SYT7: variants seen among roughly 807,000 people sequenced by gnomAD.
SYT7 encodes the protein synaptotagmin 7, also known as synaptotagmin-7.
A neutral mutation model predicts 75.1 loss-of-function variants in SYT7; 29 were observed. That is an observed-to-expected ratio of 0.39 (90% CI 0.29 to 0.53). The LOEUF (loss-of-function observed/expected upper bound fraction) is 0.53. SYT7 is among the 20% of genes least tolerant of loss of function. The pLI, the probability that SYT7 is intolerant of heterozygous loss-of-function variation, is 0.77. For synonymous variants in SYT7, 376 were observed against 401.7 expected (o/e 0.94, Z 0.76); for missense variants, 693 against 953.2 (o/e 0.73, Z 3.59).
Position 61,542,359 on chromosome 11 carries a change from G to T in SYT7, c.793C>A (p.Arg265=). The change falls in exon 6 of 13, where the codon CGG becomes AGG. Residue 265 remains arginine (R), a synonymous_variant. Coordinates refer to ENST00000539008, the MANE Select transcript of SYT7 (RefSeq NM_001365809.2). The surrounding 1 kb of genome is among the most constrained non-coding windows in gnomAD (Gnocchi z 7.8). ...CGAGCCTGGCCCCGGCCATAGGCCC[G>T]GGGGTTGGGGCCTGGTGCCGAGGCC... ...HMASAPGPNP[R]AYGRGQARQG... 6.5e-7 allele frequency: 1 copy of T among 1,530,422 alleles called. No homozygotes were observed. Among genetic ancestry groups the T allele is most frequent in the Non-Finnish European group, 8.7e-7 (1 of 1,144,312 alleles). 94.8% of individuals were successfully genotyped at this position (1,530,422 alleles called of 1,614,324 possible). A position where few individuals can be genotyped will look rare whatever the true frequency, so the allele number is the denominator to read the frequency against.
intron 1 of SYT7, among the ~76,000 whole-genome samples, chr11:61,579,951 A>C (rs908016799): frequency 6.6e-6 from 1 of 152,182 alleles, no homozygotes; most frequent in Non-Finnish European, 1.5e-5. Flanking sequence ...CTGGGTGAGG[A>C]GGCATCAGGA....
rs1436037935 is a variant in SYT7, at chr11:61,517,095, G to A, written c.*1532C>T. On this transcript the variant is annotated 3_prime_UTR_variant, in exon 13 of 13. Coordinates refer to ENST00000539008, the MANE Select transcript of SYT7 (RefSeq NM_001365809.2). ...AAGACCACGGCCACAGACTGTGGGG[G>A]CCTGGCGCCACCTGGCGGTAGTTCT... 1.5e-5 allele frequency: 6 copies of A among 395,450 alleles called. No homozygotes were observed. Among genetic ancestry groups the A allele is most frequent in the Non-Finnish European group, 2.2e-5 (5 of 224,630 alleles). 24.5% of individuals were successfully genotyped at this position (395,450 alleles called of 1,614,324 possible).
In SYT7 at chr11:61,518,134, T is replaced by C. The variant is rs1312252244; in HGVS notation, c.*493A>G. On this transcript the variant is annotated 3_prime_UTR_variant, in exon 13 of 13. Coordinates refer to ENST00000539008, the MANE Select transcript of SYT7 (RefSeq NM_001365809.2). ...AGCGGGCTATATACTATCCTCGACA[T>C]TCAGGGCCCAGCCGGCACCTGAAAC... 1 of 158,142 alleles carries C rather than the reference T, an allele frequency of 6.3e-6. No homozygotes were observed. The highest frequency in any genetic ancestry group is 1.4e-5 in the Non-Finnish European group (1 of 72,146). The allele number at this position is 158,142 out of a possible 1,614,324, so 9.8% of individuals were successfully genotyped here.
At chr11:61,526,668 T>C (rs1166065752) in intron 9 of SYT7, 1 of 152,208 alleles carries the variant, frequency 6.6e-6, no homozygotes, top group Non-Finnish European at 1.5e-5. Flanking sequence ...GACCGGAGGA[T>C]TGGAGTTCTG....
rs2062114203 is a variant in SYT7 at position 61,514,926 on chromosome 11, G to C, written c.*3701C>G. On this transcript the variant is annotated 3_prime_UTR_variant, in exon 13 of 13. Transcript: ENST00000539008. ...CCCATGGATGGTGGTGGGAAAGCTG[G>C]AGCGTCCCCCTTTGGTTTGTCTGAG... 6.6e-6 allele frequency among the ~76,000 whole-genome samples: 1 copy of C among 152,190 alleles called. No homozygotes were observed. The highest frequency in any genetic ancestry group is 2.4e-5 in the African/African-American group (1 of 41,442).
In SYT7 at chr11:61,514,526, T is replaced by C. The variant is rs892397055; in HGVS notation, c.*4101A>G. Among the ~76,000 whole-genome samples, 1 of 152,192 alleles carries C rather than the reference T, an allele frequency of 6.6e-6. No homozygotes were observed. The highest frequency in any genetic ancestry group is 2.4e-5 in the African/African-American group (1 of 41,432). On this transcript the variant is annotated 3_prime_UTR_variant, in exon 13 of 13. Transcript: ENST00000539008. ...GATGTGCTCGTTCCTTTTGTGCCTG[T>C]GTCTGAACCAGATGTAGCACCTTCC...
chr11:61,571,682 AC>A (rs1178699019), intron 1 of SYT7, among the ~76,000 whole-genome samples: 5 of 152,182 alleles, frequency 3.3e-5, no homozygotes, highest in Admixed American at 3.3e-4. Flanking sequence ...CCTGGCTCCC[AC>A]GGCCCAAAGA....
chr11:61,581,844 A>G (rs2135484958), upstream of SYT7, among the ~76,000 whole-genome samples: 1 of 152,260 alleles, frequency 6.6e-6, no homozygotes, highest in East Asian at 1.9e-4. Context: ...GGTAGGAAGG[A>G]AATCCCTCCT....
rs1663059156 is a variant in SYT7, at chr11:61,553,785, T to C, written c.135+2319A>G. 6.6e-6 allele frequency among the ~76,000 whole-genome samples: 1 copy of C among 152,078 alleles called. No homozygotes were observed. Among genetic ancestry groups the C allele is most frequent in the Admixed American group, 6.5e-5 (1 of 15,268 alleles). ...AGCCAGCTGGAGATTAAGGAAGTTA[T>C]TAATGTTTGGAAATGGGATCTGGGC... On this transcript the variant is annotated intron_variant, in intron 2 of 12. Transcript: ENST00000539008. This position sits in a 1 kb window ranked among gnomAD's most constrained non-coding sequence, Gnocchi z 5.2.
At chr11:61,578,770 C>A (rs1565214558) in intron 1 of SYT7, among the ~76,000 whole-genome samples, 2 of 152,174 alleles carry the variant, frequency 1.3e-5, no homozygotes, top group Non-Finnish European at 1.5e-5. Flanking sequence ...CCCCACCCAG[C>A]CCAATGCCCA....
intron 8 of SYT7, chr11:61,530,730 TG>T: frequency 1.1e-6 from 1 of 911,968 alleles, no homozygotes; most frequent in Non-Finnish European, 1.3e-6. Flanking sequence ...CCAAACAGTG[TG>T]GTCTTGGGAA....
At chr11:61,520,891 G>A (rs2062307424) in intron 12 of SYT7, among the ~76,000 whole-genome samples, 1 of 152,220 alleles carries the variant, frequency 6.6e-6, no homozygotes, top group Admixed American at 6.5e-5. Flanking sequence ...AACACATGGT[G>A]GAACTTCTTT....
intron 1 of SYT7, among the ~76,000 whole-genome samples, chr11:61,571,189 C>T (rs1040873896): frequency 6.6e-6 from 1 of 152,238 alleles, no homozygotes; most frequent in African/African-American, 2.4e-5. Flanking sequence ...CTTGGCGCCC[C>T]AGCGATGTGT....
At chr11:61,584,540 C>G (rs758041729), upstream of SYT7, among the ~76,000 whole-genome samples, 1 of 152,206 alleles carries the variant, frequency 6.6e-6, no homozygotes, top group Non-Finnish European at 1.5e-5. Context: ...TGTTGCCTGT[C>G]AGGAAAGTTC....
chr11:61,540,893 C>T, intron 6 of SYT7: 4 of 985,516 alleles, frequency 4.1e-6, no homozygotes, highest in Non-Finnish European at 4.8e-6. Flanking sequence ...GGAGGCTCTT[C>T]TGGGCATCTC....
chr11:61,538,078 G>A, intron 7 of SYT7, 66 bp downstream of exon 7: 1 of 1,526,182 alleles, frequency 6.6e-7, no homozygotes, highest in South Asian at 1.2e-5. Context: ...GGCCGGTCGA[G>A]GCAGGCGGCC....
At chr11:61,581,515 G>T (rs1442483955), upstream of SYT7, among the ~76,000 whole-genome samples, 1 of 152,226 alleles carries the variant, frequency 6.6e-6, no homozygotes, top group Non-Finnish European at 1.5e-5. Context: ...GCTTGCTGGC[G>T]GCTCGAGGGC....
At chr11:61,552,415 A>G (rs946425903) in intron 2 of SYT7, among the ~76,000 whole-genome samples, 1 of 151,858 alleles carries the variant, frequency 6.6e-6, no homozygotes, top group African/African-American at 2.4e-5. Flanking sequence ...CTCCCAGCCC[A>G]TTCTCCCACT....
chr11:61,564,380 C>T (rs990740039), intron 1 of SYT7, among the ~76,000 whole-genome samples: 1 of 152,208 alleles, frequency 6.6e-6, no homozygotes, highest in African/African-American at 2.4e-5. Context: ...AGGTCCCAGG[C>T]CACTGCTCTT....
Sources: allele counts gnomAD v4.1 joint callset (sites outside exome capture counted in the v4.1 genomes callset), GRCh38; gene constraint gnomAD v4.1.1; non-coding constraint Gnocchi (gnomAD v3.1); transcripts MANE v1.5; gene names NCBI Gene and HGNC (gene_info 2026-07-23, HGNC 2026-07-21).